CHKB: variants seen among roughly 807,000 people sequenced by gnomAD.
CHKB encodes choline kinase beta.
A neutral mutation model predicts 57.3 loss-of-function variants in CHKB; 45 were observed. The ratio of observed to expected loss-of-function variants is 0.79; its 90% CI spans 0.62 to 1.01. The LOEUF (loss-of-function observed/expected upper bound fraction) is 1.01, where lower values mean the gene tolerates loss of function less well. Ranked by LOEUF, CHKB falls within the 50% of genes least tolerant of loss-of-function variation. The pLI is 0.00. For synonymous variants in CHKB, 224 were observed against 201.8 expected (o/e 1.11, Z -0.93); for missense variants, 517 against 502.8 (o/e 1.03, Z -0.27).
chr22:50,582,320 G>C lies in CHKB; in HGVS notation c.262C>G (p.Pro88Ala), dbSNP rs547428711. 25 of 1,581,748 alleles carry C rather than the reference G, an allele frequency of 1.6e-5. No individual in the cohort carries two copies. Among genetic ancestry groups the C allele is most frequent in the Admixed American group, 9.0e-5 (5 of 55,446 alleles). The stretch of plus-strand genomic sequence containing the variant: ...TCGCCAACGCTGGGCAGGTGGTCCG[G>C]GAGCGAGCAGCGGAAGAGCAGGTTG... ...LSNLLFRCSL[P>A]DHLPSVGEEP... The change falls in exon 2 of 11, where the codon CCG becomes GCG. Residue 88 changes from proline (P) to alanine (A), a missense_variant. By Grantham distance (27) the Pro-to-Ala change is conservative. Transcript: ENST00000406938.
At position 50,580,607 on chromosome 22, in the gene CHKB, A is replaced by T. The variant is rs776677585; in HGVS notation, c.635T>A (p.Leu212Gln). The stretch of plus-strand genomic sequence containing the variant: ...ATCCTTCAGGCTGTACATCTCCAGC[A>T]GGTTCATCTCAGGGAGGCCAGTTGG... The part of the protein sequence containing the change: ...LPPTGLPEMN[L>Q]LEMYSLKDEM... Residue 212 changes from leucine (L) to glutamine (Q), a missense_variant, in exon 5 of 11, where the codon CTG (leucine) becomes CAG (glutamine). By Grantham distance (113) the Leu-to-Gln change is moderately radical (BLOSUM62 -2). Coordinates refer to ENST00000406938, the MANE Select transcript of CHKB (RefSeq NM_005198.5). 6.2e-7 allele frequency: 1 copy of T among 1,614,086 alleles called. No homozygotes were observed. Among genetic ancestry groups the T allele is most frequent in the Non-Finnish European group, 8.5e-7 (1 of 1,180,012 alleles).
At chr22:50,580,723 C>A in intron 4 of CHKB, 63 bp from the exon 5 acceptor site, 1 of 1,455,264 alleles carries the variant, frequency 6.9e-7, no homozygotes, top group South Asian at 1.2e-5. Flanking sequence ...GCCTATCTAC[C>A]CCTCAGGCCA....
chr22:50,578,979 G>C lies in CHKB; in HGVS notation c.*202C>G, dbSNP rs889374819. 1.6e-6 allele frequency: 1 copy of C among 625,994 alleles called. No homozygotes were observed. The highest frequency in any genetic ancestry group is 2.9e-6 in the Non-Finnish European group (1 of 346,050). The allele number at this position is 625,994 out of a possible 1,614,324, so 38.8% of individuals were successfully genotyped here. ...AGGACAGGGTGGGAAGAAGAAGCTT[G>C]TTTATTGTGTTACATACACAGCACG... On this transcript the variant is annotated 3_prime_UTR_variant, in exon 11 of 11. Coordinates refer to ENST00000406938, the MANE Select transcript of CHKB (RefSeq NM_005198.5).
At chr22:50,580,542 A>G (rs1380487926) in intron 5 of CHKB, 23 bp downstream of exon 5, 4 of 1,613,338 alleles carry the variant, frequency 2.5e-6, no homozygotes, top group Non-Finnish European at 3.4e-6. Context: ...CATTACCATT[A>G]GCCTTGTCCT....
intron 2 of CHKB, 83 bp from the exon 3 acceptor site, chr22:50,581,945 T>G: frequency 1.6e-6 from 2 of 1,214,950 alleles, no homozygotes; most frequent in South Asian, 2.4e-5. Context: ...CCACCAGAGC[T>G]GCGACTTCTG....
At position 50,579,737 on chromosome 22, in the gene CHKB, C is replaced by T. The variant is rs763938630; in HGVS notation, c.1021G>A (p.Glu341Lys). The change falls in exon 9 of 11, where the codon GAA becomes AAA. Residue 341 changes from glutamate to lysine, a missense_variant. Transcript: ENST00000406938. Reference sequence around the variant, plus strand: ...CCCCTCCTTCCTCACCGACTGACTTCTACCAGCAAATCTTCTTCCAGTTTT... The same window carrying T: ...CCCCTCCTTCCTCACCGACTGACTTTTACCAGCAAATCTTCTTCCAGTTTT... ...QRKLEEDLLV[E>K]VSRYALASHF... The T allele has an allele frequency of 3.1e-6, 5 of 1,613,964 alleles. No homozygotes were observed. The highest frequency in any genetic ancestry group is 4.2e-6 in the Non-Finnish European group (5 of 1,179,876).
At chr22:50,579,374 G>A (rs1180651363) in intron 10 of CHKB, 52 bp downstream of exon 10, 5 of 1,590,606 alleles carry the variant, frequency 3.1e-6, no homozygotes, top group East Asian at 4.5e-5. Context: ...GAGTGTGGCT[G>A]CTGCTGCTCC....
Position 50,582,795 on chromosome 22 carries a change from C to A in CHKB, c.-14G>T, listed in dbSNP as rs753481216. Reference sequence around the variant, plus strand: ...CTCGGCCGCCATGGCGCGGGCTCGACCGGGCCCCAGGCCAGGCTGCGCTCC... The same window carrying A: ...CTCGGCCGCCATGGCGCGGGCTCGAACGGGCCCCAGGCCAGGCTGCGCTCC... On this transcript the variant is annotated 5_prime_UTR_variant, in exon 1 of 11. Coordinates refer to ENST00000406938, the MANE Select transcript of CHKB (RefSeq NM_005198.5). 1.3e-6 allele frequency: 2 copies of A among 1,552,396 alleles called. No homozygotes were observed. The highest frequency in any genetic ancestry group is 1.7e-6 in the Non-Finnish European group (2 of 1,150,918).
At position 50,582,630 on chromosome 22, in the gene CHKB, T is replaced by C; in HGVS notation, c.152A>G (p.Gln51Arg). 6.2e-7 allele frequency: 1 copy of C among 1,611,218 alleles called. No homozygotes were observed. The highest frequency in any genetic ancestry group is 8.5e-7 in the Non-Finnish European group (1 of 1,179,438). ...LSRDAERRAY[Q>R]WCREYLGGAW... ...CCCGCCCAAGTACTCCCGGCACCAT[T>C]GGTAGGCTCGGCGCTCGGCGTCACG... is the stretch of plus-strand genomic sequence containing the variant. The change falls in exon 1 of 11, where the codon CAA (glutamine) becomes CGA (arginine). Residue 51 changes from glutamine (Q) to arginine (R), a missense_variant. Physicochemically the swap from Gln to Arg is conservative, Grantham distance 43. Coordinates refer to ENST00000406938, the MANE Select transcript of CHKB (RefSeq NM_005198.5).
rs779012297 is a variant in CHKB, at chr22:50,581,833, C to G, written c.363G>C (p.Val121=). 3 of 1,613,854 alleles carry G rather than the reference C, an allele frequency of 1.9e-6. No homozygotes were observed. Among genetic ancestry groups the G allele is most frequent in the Non-Finnish European group, 2.5e-6 (3 of 1,180,018 alleles). The change falls in exon 3 of 11, where the codon GTG becomes GTC. Residue 121 remains valine, a synonymous_variant. Transcript: ENST00000406938. ...QGVDSLVLES[V]MFAILAERSL... ...ACCGCTCCGCAAGTATGGCGAACAT[C>G]ACGCTTTCTAGCACCAGGGAGTCCA...
Position 50,580,549 on chromosome 22 carries a change from T to C in CHKB, c.677+16A>G, listed in dbSNP as rs777309411. The C allele has an allele frequency of 1.4e-5, 22 of 1,613,788 alleles. No individual in the cohort carries two copies. The highest frequency in any genetic ancestry group is 1.7e-5 in the Non-Finnish European group (20 of 1,179,892). ...GCGGACACCATTACCATTAGCCTTG[T>C]CCTGCCTGCCCTCACCTGAGGTTGC... On this transcript the variant is annotated intron_variant, in intron 5 of 10. Coordinates refer to ENST00000406938, the MANE Select transcript of CHKB (RefSeq NM_005198.5).
chr22:50,582,195 C>T lies in CHKB; in HGVS notation c.333+54G>A. 40 of 1,458,588 alleles carry T rather than the reference C, an allele frequency of 2.7e-5. No individual in the cohort carries two copies. The South Asian group carries it at 4.7e-4, about 17-fold the overall frequency. The allele number at this position is 1,458,588 out of a possible 1,614,324, so 90.4% of individuals were successfully genotyped here. On this transcript the variant is annotated intron_variant, in intron 2 of 10. Coordinates refer to ENST00000406938, the MANE Select transcript of CHKB (RefSeq NM_005198.5). ...AACGGGAACAATACTACCCGCATCG[C>T]GTAAGCGACAGGCCCTAAAGCCACT...
rs899548331 is a variant in CHKB, at chr22:50,579,078, T to G, written c.*103A>C. ...CCGGTCTCCTGAACCTCAGTTTCACTTGGGGGCTCAGCCCAGTCGCCAGGG... is the reference window on the plus strand; with the variant it reads ...CCGGTCTCCTGAACCTCAGTTTCACGTGGGGGCTCAGCCCAGTCGCCAGGG... On this transcript the variant is annotated 3_prime_UTR_variant, in exon 11 of 11. Coordinates refer to ENST00000406938, the MANE Select transcript of CHKB (RefSeq NM_005198.5). 1 of 1,161,326 alleles carries G rather than the reference T, an allele frequency of 8.6e-7. No individual in the cohort carries two copies. Among genetic ancestry groups the G allele is most frequent in the African/African-American group, 1.5e-5 (1 of 65,482 alleles). The allele number at this position is 1,161,326 out of a possible 1,614,324, so 71.9% of individuals were successfully genotyped here.
intron 4 of CHKB, 177 bp from the exon 5 acceptor site, chr22:50,580,837 T>A (rs1180796276): frequency 1.6e-6 from 1 of 639,092 alleles, no homozygotes; most frequent in Non-Finnish European, 2.8e-6. Context: ...TGGAGTGCAG[T>A]GGCGCGATCT....
chr22:50,582,049 C>A, intron 2 of CHKB, 187 bp from the exon 3 acceptor site: 1 of 770,358 alleles, frequency 1.3e-6, no homozygotes. Flanking sequence ...AGGCTGGTCT[C>A]GAACTCCTGT....
Position 50,582,846 on chromosome 22 carries a change from T to TC in CHKB, c.-66_-65insG, listed in dbSNP as rs2146659560. 3.9e-6 allele frequency: 5 copies of TC among 1,266,536 alleles called. No individual in the cohort carries two copies. The highest frequency in any genetic ancestry group is 3.1e-5 in the Admixed American group (1 of 32,216). 78.5% of individuals were successfully genotyped at this position (1,266,536 alleles called of 1,614,324 possible). ...GCTCCCTTCGGACGGGCTCGGTTCC[T>TC]TCCGGCCGCGCTCGGCTCCTCTTCC... On this transcript the variant is annotated 5_prime_UTR_variant, in exon 1 of 11. Coordinates refer to ENST00000406938, the MANE Select transcript of CHKB (RefSeq NM_005198.5).
In CHKB at chr22:50,580,406, C is replaced by T; in HGVS notation, c.688G>A (p.Glu230Lys). 1 of 1,613,980 alleles carries T rather than the reference C, an allele frequency of 6.2e-7. No homozygotes were observed. Among genetic ancestry groups the T allele is most frequent in the Non-Finnish European group, 8.5e-7 (1 of 1,180,026 alleles). Residue 230 changes from glutamate to lysine, a missense_variant, in exon 6 of 11, where the codon GAG becomes AAG. Physicochemically the swap from Glu to Lys is moderately conservative, Grantham distance 56. Transcript: ENST00000406938. ...DEMGNLRKLL[E>K]STPSPVVFCH... ...AAGACGACTGGCGATGGGGTAGACT[C>T]TAGTAACTTCCTACAGGGGTATGGG... is the stretch of plus-strand genomic sequence containing the variant.
rs138424307 is a variant in CHKB at position 50,581,879 on chromosome 22, A to G, written c.334-17T>C. The G allele has an allele frequency of 7.4e-6, 12 of 1,611,004 alleles. No homozygotes were observed. In the African/African-American group the frequency reaches 1.2e-4, roughly 16 times the overall value. ...GTCCACGCCCTGAAAAAGGATGGAC[A>G]GCAAAGGGGCCAAGGCAAAGTGGCA... On this transcript the variant is annotated splice_polypyrimidine_tract_variant and intron_variant, in intron 2 of 10. Transcript: ENST00000406938.
At position 50,581,420 on chromosome 22, in the gene CHKB, C is replaced by T. The variant is rs139818555; in HGVS notation, c.581G>A (p.Arg194Gln). 139 of 1,612,996 alleles carry T rather than the reference C, an allele frequency of 8.6e-5. No individual in the cohort carries two copies. The highest frequency in any genetic ancestry group is 1.6e-4 in the Middle Eastern group (1 of 6,072). ...EPHWLFGTMERYLKQIQDLPP... is the reference protein window; with the variant it reads ...EPHWLFGTMEQYLKQIQDLPP... Reference sequence around the variant, plus strand: ...AGCCCTGAGGAGGCTCCTGACTCACCGCTCCATGGTCCCAAACAGCCAGTG... The same window carrying T: ...AGCCCTGAGGAGGCTCCTGACTCACTGCTCCATGGTCCCAAACAGCCAGTG... Residue 194 changes from arginine (R) to glutamine (Q), a missense_variant and splice_region_variant, in exon 4 of 11, where the codon CGG becomes CAG. Coordinates refer to ENST00000406938, the MANE Select transcript of CHKB (RefSeq NM_005198.5).
Sources: allele counts gnomAD v4.1 joint callset, GRCh38; gene constraint gnomAD v4.1.1; transcripts MANE v1.5; gene names NCBI Gene and HGNC (gene_info 2026-07-23, HGNC 2026-07-21).